Variants in WDPCP observed in about 807,000 individuals in gnomAD.
WDPCP encodes the protein WD repeat containing planar cell polarity effector.
Under a neutral mutation model 93.1 loss-of-function variants are expected in WDPCP, and 71 were observed. That is an observed-to-expected ratio of 0.76 (90% confidence interval 0.63 to 0.93). WDPCP has a LOEUF of 0.93. WDPCP is among the 40% of genes least tolerant of loss of function. The probability of loss-of-function intolerance (pLI) is 0.00; values close to 1 mark genes in which losing one functional copy is unlikely to be tolerated. For synonymous variants in WDPCP, 315 were observed against 315.0 expected, an observed-to-expected ratio of 1.00 and a Z score of 0.00; for missense variants, 844 against 887.4, an observed-to-expected ratio of 0.95 and a Z score of 0.62.
At chr2:63,724,127 A>G (rs1575758666) in intron 2 of WDPCP, among the ~76,000 whole-genome samples, 1 of 152,330 alleles carries the variant, frequency 6.6e-6, no homozygotes, top group East Asian at 1.9e-4. Context: ...TGAGTAATAA[A>G]GGAAAATGCC....
the WDPCP span, among the ~76,000 whole-genome samples, chr2:63,836,991 G>A: frequency 6.6e-6 from 1 of 152,126 alleles, no homozygotes; most frequent in African/African-American, 2.4e-5. Flanking sequence ...ATTTTTTAAA[G>A]CATCTCAGTT....
chr2:63,721,011 C>A (rs765017295), intron 2 of WDPCP, among the ~76,000 whole-genome samples: 1 of 152,228 alleles, frequency 6.6e-6, no homozygotes, highest in Non-Finnish European at 1.5e-5. Context: ...TCTCATCTGA[C>A]ATTTCAAGTG....
At chr2:63,156,739 A>G (rs935639752) in intron 15 of WDPCP, among the ~76,000 whole-genome samples, 6 of 152,136 alleles carry the variant, frequency 3.9e-5, no homozygotes, top group Non-Finnish European at 8.8e-5. Flanking sequence ...CTCTGTCTCA[A>G]AAAAAAGAAA....
At chr2:63,601,647 A>G (rs1320403610) in intron 3 of WDPCP, among the ~76,000 whole-genome samples, 1 of 152,198 alleles carries the variant, frequency 6.6e-6, no homozygotes, top group South Asian at 2.1e-4. Flanking sequence ...TTTGCTGTCC[A>G]GACAGAACTG....
chr2:63,457,459 C>T (rs935011993), intron 6 of WDPCP, among the ~76,000 whole-genome samples: 55 of 152,132 alleles, frequency 3.6e-4, no homozygotes, highest in African/African-American at 1.3e-3. Flanking sequence ...TTCTATGAGT[C>T]CAGCATTACC....
intron 2 of WDPCP, among the ~76,000 whole-genome samples, chr2:63,697,804 T>G (rs979753991): frequency 6.6e-4 from 100 of 151,778 alleles, no homozygotes; most frequent in Non-Finnish European, 1.1e-3. Flanking sequence ...TGTACCACCA[T>G]GCCAGGCTAA....
At chr2:63,513,880 A>AAGCTTTGAACTCTATCTCACTATCC (rs1702393840) in intron 1 of WDPCP, among the ~76,000 whole-genome samples, 1 of 152,134 alleles carries the variant, frequency 6.6e-6, no homozygotes, top group Admixed American at 6.6e-5. Context: ...CATTTCTGAA[A>AAGCTTTGAACTCTATCTCACTATCC]GCTCTTGTGT....
intron 15 of WDPCP, among the ~76,000 whole-genome samples, chr2:63,172,342 C>G (rs1433501608): frequency 6.6e-6 from 1 of 151,996 alleles, no homozygotes; most frequent in African/African-American, 2.4e-5. Context: ...CCTGTTTCTA[C>G]AGAAAAAATA....
At chr2:63,177,612 C>G (rs1313889525) in intron 14 of WDPCP, among the ~76,000 whole-genome samples, 1 of 151,698 alleles carries the variant, frequency 6.6e-6, no homozygotes, top group Non-Finnish European at 1.5e-5. Context: ...TTCAATTATT[C>G]TAAAGTTTAA....
chr2:63,284,410 A>G (rs563978294), intron 13 of WDPCP, among the ~76,000 whole-genome samples: 7 of 152,356 alleles, frequency 4.6e-5, no homozygotes, highest in South Asian at 4.1e-4. Context: ...TTCTAACCAT[A>G]TATCTTAGCA....
At chr2:63,624,427 C>T (rs1231188836) in intron 3 of WDPCP, among the ~76,000 whole-genome samples, 1 of 151,958 alleles carries the variant, frequency 6.6e-6, no homozygotes, top group East Asian at 1.9e-4. Flanking sequence ...AATAGATAGA[C>T]CTCTAGCCAG....
Position 63,579,604 on chromosome 2 carries a change from C to T in WDPCP, c.75+8593G>A, listed in dbSNP as rs190872990. Among the ~76,000 whole-genome samples, 26 of 152,152 alleles carry T rather than the reference C, an allele frequency of 1.7e-4. No homozygotes were observed. In the East Asian group the frequency reaches 4.6e-3, roughly 27 times the overall value. On this transcript the variant is annotated intron_variant, in intron 1 of 17. Coordinates refer to ENST00000272321, the MANE Select transcript of WDPCP (RefSeq NM_015910.7). ...CAGCCTGGGCAACAGAGCTAGACTC[C>T]ATCTCAAACAAAAAGAAAAAGAAAA... is the stretch of plus-strand genomic sequence containing the variant.
chr2:63,240,967 A>C (rs1399470954), intron 14 of WDPCP, among the ~76,000 whole-genome samples: 1 of 152,216 alleles, frequency 6.6e-6, no homozygotes, highest in African/African-American at 2.4e-5. Flanking sequence ...AAAATATGTT[A>C]AATAACATTT....
At chr2:63,294,296 G>T (rs1341853765) in intron 13 of WDPCP, among the ~76,000 whole-genome samples, 1 of 137,154 alleles carries the variant, frequency 7.3e-6, no homozygotes, top group African/African-American at 2.8e-5. Context: ...TTGAGGTCAG[G>T]AGTTCAGGAC....
chr2:63,366,268 A>G (rs1423366820), intron 12 of WDPCP, among the ~76,000 whole-genome samples: 1 of 151,692 alleles, frequency 6.6e-6, no homozygotes, highest in African/African-American at 2.4e-5. Flanking sequence ...CTCTTAGCTA[A>G]TAACAATGAT....
intron 2 of WDPCP, among the ~76,000 whole-genome samples, chr2:63,745,407 G>A (rs925143583): frequency 2.1e-4 from 32 of 152,096 alleles, no homozygotes; most frequent in Non-Finnish European, 4.4e-4. Context: ...ACAACTATGA[G>A]TACCAGTTTC....
chr2:63,174,940 T>C (rs1454175468), intron 14 of WDPCP, 108 bp from the exon 15 acceptor site: 1 of 1,239,930 alleles, frequency 8.1e-7, no homozygotes, highest in Non-Finnish European at 1.2e-6. Flanking sequence ...GGAACTTTTT[T>C]CTTTGTCAAT....
intron 12 of WDPCP, among the ~76,000 whole-genome samples, chr2:63,357,074 C>T (rs1257789558): frequency 2.6e-5 from 4 of 152,114 alleles, no homozygotes; most frequent in African/African-American, 7.2e-5. Context: ...TAGCCATATG[C>T]AGAAGATTGA....
At chr2:63,321,386 CTGTGTGTGTGTG>C (rs59970085) in intron 12 of WDPCP, among the ~76,000 whole-genome samples, 92,275 of 148,468 alleles carry the variant, frequency 0.62, 29,232 homozygotes, top group East Asian at 0.87. Flanking sequence ...TATATACACT[CTGTGTGTGTGTG>C]TGTGTGTGTG....
Sources: allele counts gnomAD v4.1 joint callset (sites outside exome capture counted in the v4.1 genomes callset), GRCh38; gene constraint gnomAD v4.1.1; transcripts MANE v1.5; gene names NCBI Gene and HGNC (gene_info 2026-07-23, HGNC 2026-07-21).